HELZ: variants seen among roughly 807,000 people sequenced by gnomAD.
HELZ encodes helicase with zinc finger, also known as ATP-dependent RNA helicase with zinc finger domain.
A neutral mutation model predicts 218.2 loss-of-function variants in HELZ; 23 were observed. That is an observed-to-expected ratio of 0.11 (90% CI 0.08 to 0.15). HELZ has a LOEUF of 0.15. Ranked by LOEUF, HELZ falls within the 10% of genes least tolerant of loss-of-function variation. HELZ has a pLI of 1.00. For missense variants in HELZ, 1,813 were observed against 2,353.7 expected (o/e 0.77, Z 4.75); for synonymous variants, 814 against 829.4 (o/e 0.98, Z 0.32).
chr17:67,107,745 CTTAGTCAACTACACATG>C (rs1191600233), intron 30 of HELZ, 60 bp from the exon 31 acceptor site: 1 of 1,432,296 alleles, frequency 7.0e-7, no homozygotes, highest in Non-Finnish European at 9.5e-7. Flanking sequence ...TTAAGGAAAG[CTTAGTCAACTACACATG>C]TATTTTCAAC....
Position 67,166,473 on chromosome 17 carries a change from T to C in HELZ, c.1895+5A>G, listed in dbSNP as rs747553307. The C allele has an allele frequency of 1.2e-6, 2 of 1,607,998 alleles. No homozygotes were observed. Among genetic ancestry groups the C allele is most frequent in the South Asian group, 1.1e-5 (1 of 90,284 alleles). Reference sequence around the variant, plus strand: ...TTCCTTTAATAAGATATCGCCTTTTTGTACCTGTTAGGACTCCATGGTATG... The same window carrying C: ...TTCCTTTAATAAGATATCGCCTTTTCGTACCTGTTAGGACTCCATGGTATG... On this transcript the variant is annotated splice_donor_5th_base_variant and intron_variant, in intron 15 of 32. Transcript: ENST00000358691.
At chr17:67,215,379 C>T (rs1402309368) in intron 5 of HELZ, among the ~76,000 whole-genome samples, 2 of 145,194 alleles carry the variant, frequency 1.4e-5, no homozygotes, top group Non-Finnish European at 3.0e-5. Flanking sequence ...GACGTAGTCT[C>T]ACTCTGTCGC....
intron 17 of HELZ, among the ~76,000 whole-genome samples, chr17:67,158,676 C>T (rs1284775486): frequency 6.6e-6 from 1 of 151,940 alleles, no homozygotes; most frequent in Non-Finnish European, 1.5e-5. Context: ...GAACCACTTT[C>T]GAGACTTACA....
At chr17:67,125,369 T>A (rs1246028087) in intron 24 of HELZ, among the ~76,000 whole-genome samples, 2 of 119,590 alleles carry the variant, frequency 1.7e-5, no homozygotes, top group Admixed American at 9.0e-5. Context: ...AGAGACGTGA[T>A]AAGAAAAGCA....
intron 5 of HELZ, among the ~76,000 whole-genome samples, chr17:67,207,104 G>T (rs528923988): frequency 4.8e-5 from 7 of 146,112 alleles, no homozygotes; most frequent in African/African-American, 1.8e-4. Context: ...TAGAGACGGC[G>T]GTTCTCCATG....
At chr17:67,176,138 T>C (rs1446867057) in intron 13 of HELZ, among the ~76,000 whole-genome samples, 1 of 152,202 alleles carries the variant, frequency 6.6e-6, no homozygotes, top group Non-Finnish European at 1.5e-5. Context: ...TAGAGAAAAC[T>C]ATTACAACAT....
chr17:67,244,818 A>C (rs1331005960), intron 1 of HELZ: 1 of 985,310 alleles, frequency 1.0e-6, no homozygotes, highest in East Asian at 1.1e-4. Flanking sequence ...CCCCTCCCAG[A>C]GTGCTCTGGG....
At chr17:67,113,041 A>AT (rs1245007233) in intron 28 of HELZ, among the ~76,000 whole-genome samples, 2 of 152,224 alleles carry the variant, frequency 1.3e-5, no homozygotes, top group Non-Finnish European at 2.9e-5. Context: ...TAAAGAGCAA[A>AT]TAAGAGGTGA....
At chr17:67,088,642 A>T (rs1224682165) in intron 31 of HELZ, among the ~76,000 whole-genome samples, 1 of 152,208 alleles carries the variant, frequency 6.6e-6, no homozygotes, top group Non-Finnish European at 1.5e-5. Flanking sequence ...TTAGCTATTG[A>T]ATGGAGGAAG....
chr17:67,120,491 T>A lies in HELZ; in HGVS notation c.3752A>T (p.Tyr1251Phe). The change falls in exon 27 of 33, where the codon TAT becomes TTT. Residue 1251 changes from tyrosine to phenylalanine, a missense_variant. Around this residue, in one of 4 missense-constraint regions of HELZ, gnomAD observed 938 missense variants for 1,027.5 expected, o/e 0.91. Transcript: ENST00000358691. Reference protein sequence around the residue: ...QTHGRGSPIPYGLGHHPPVTI... With the variant: ...QTHGRGSPIPFGLGHHPPVTI... ...GACAGGTGGGTGATGTCCAAGGCCA[T>A]AAGGAATAGGAGATCCTCGTCCATG... 1 of 1,613,948 alleles carries A rather than the reference T, an allele frequency of 6.2e-7. No homozygotes were observed. Among genetic ancestry groups the A allele is most frequent in the South Asian group, 1.1e-5 (1 of 91,072 alleles).
intron 21 of HELZ, among the ~76,000 whole-genome samples, chr17:67,139,684 C>T (rs1280605574): frequency 6.6e-6 from 1 of 152,148 alleles, no homozygotes; most frequent in Admixed American, 6.5e-5. Context: ...TCAACAAAAC[C>T]TGTAAAAACT....
chr17:67,230,238 T>C (rs1158177914), intron 3 of HELZ, among the ~76,000 whole-genome samples: 2 of 152,140 alleles, frequency 1.3e-5, no homozygotes, highest in Non-Finnish European at 2.9e-5. Flanking sequence ...AGTTTGAGCC[T>C]CTTCCCAAAT....
At chr17:67,143,486 C>T (rs1049732424) in intron 21 of HELZ, among the ~76,000 whole-genome samples, 1 of 151,974 alleles carries the variant, frequency 6.6e-6, no homozygotes, top group African/African-American at 2.4e-5. Flanking sequence ...CGTGGTGGTG[C>T]GTACCCATAG....
In HELZ at chr17:67,120,391, G is replaced by C. The variant is rs567834080; in HGVS notation, c.3838+14C>G. 4 of 1,605,648 alleles carry C rather than the reference G, an allele frequency of 2.5e-6. No individual in the cohort carries two copies. Among genetic ancestry groups the C allele is most frequent in the Non-Finnish European group, 3.4e-6 (4 of 1,172,586 alleles). On this transcript the variant is annotated intron_variant, in intron 27 of 32. Coordinates refer to ENST00000358691, the MANE Select transcript of HELZ (RefSeq NM_014877.4). Reference sequence around the variant, plus strand: ...ATCAGTTTATGAACAGGAGAACAGCGAAGTACAACTTACCATTTCGATTTT... The same window carrying C: ...ATCAGTTTATGAACAGGAGAACAGCCAAGTACAACTTACCATTTCGATTTT...
At chr17:67,148,812 T>C in intron 19 of HELZ, 98 bp from the exon 20 acceptor site, 16 of 1,114,328 alleles carry the variant, frequency 1.4e-5, no homozygotes, top group Non-Finnish European at 2.1e-5. Flanking sequence ...ACTTCTTATA[T>C]ACAAAACTTC....
At chr17:67,187,730 T>C (rs555631191) in intron 12 of HELZ, among the ~76,000 whole-genome samples, 3 of 152,284 alleles carry the variant, frequency 2.0e-5, no homozygotes, top group East Asian at 1.9e-4. Context: ...AGGCAATAAA[T>C]TGACAATGTA....
chr17:67,172,215 A>G (rs2039333109), intron 13 of HELZ, among the ~76,000 whole-genome samples: 1 of 152,156 alleles, frequency 6.6e-6, no homozygotes, highest in Non-Finnish European at 1.5e-5. Flanking sequence ...AGCAGATGTG[A>G]GCCCCTCCTT....
intron 12 of HELZ, among the ~76,000 whole-genome samples, chr17:67,183,517 C>T (rs137908913): frequency 6.6e-4 from 101 of 152,248 alleles, no homozygotes; most frequent in African/African-American, 2.4e-3. Flanking sequence ...CTAAGATAGA[C>T]TAAATTTTAA....
At chr17:67,193,217 C>T (rs1194271587) in intron 9 of HELZ, among the ~76,000 whole-genome samples, 1 of 151,724 alleles carries the variant, frequency 6.6e-6, no homozygotes, top group African/African-American at 2.4e-5. Flanking sequence ...TGGTGGCACA[C>T]GCCTGTAGTC....
Sources: allele counts gnomAD v4.1 joint callset (sites outside exome capture counted in the v4.1 genomes callset), GRCh38; gene constraint gnomAD v4.1.1; regional missense constraint gnomAD v4.1.1; transcripts MANE v1.5; gene names NCBI Gene and HGNC (gene_info 2026-07-23, HGNC 2026-07-21).